Variants in L3MBTL2 observed in about 807,000 individuals in gnomAD.
L3MBTL2 encodes lethal(3)malignant brain tumor-like protein 2.
Under a neutral mutation model 86.4 loss-of-function variants are expected in L3MBTL2, and 49 were observed. The ratio of observed to expected loss-of-function variants is 0.57; its 90% CI spans 0.45 to 0.72. The LOEUF (loss-of-function observed/expected upper bound fraction) is 0.72, where lower values mean the gene tolerates loss of function less well. Among genes scored for constraint, L3MBTL2 ranks in the 30% least tolerant of loss-of-function variants. The probability of loss-of-function intolerance (pLI) is 0.00; values close to 1 mark genes in which losing one functional copy is unlikely to be tolerated. For synonymous variants in L3MBTL2, 336 were observed against 350.6 expected, an observed-to-expected ratio of 0.96 and a Z score of 0.47; for missense variants, 755 against 923.7, an observed-to-expected ratio of 0.82 and a Z score of 2.37.
intron 2 of L3MBTL2, among the ~76,000 whole-genome samples, chr22:41,212,200 C>G (rs2030930333): frequency 6.6e-6 from 1 of 151,980 alleles, no homozygotes; most frequent in Non-Finnish European, 1.5e-5. Context: ...TCTTTTCATC[C>G]CTTGCCTTTT....
In L3MBTL2 at chr22:41,211,598, C is replaced by T. The variant is rs902613245; in HGVS notation, c.262+1665C>T. Among the ~76,000 whole-genome samples the T allele has an allele frequency of 2.3e-5, 3 of 131,974 alleles. No individual in the cohort carries two copies. The Middle Eastern group carries it at 0.014, about 605-fold the overall frequency. 86.6% of individuals were successfully genotyped at this position (131,974 alleles called of 152,430 possible). A position where few individuals can be genotyped will look rare whatever the true frequency, so the allele number is the denominator to read the frequency against. On this transcript the variant is annotated intron_variant, in intron 2 of 16. Transcript: ENST00000216237. ...TTGAGACGGAGTCTTGCTCTGTCAC[C>T]CAGGCTGGAATGCAGTGACATGATC... is the stretch of plus-strand genomic sequence containing the variant.
intron 6 of L3MBTL2, among the ~76,000 whole-genome samples, chr22:41,219,764 T>C (rs2031678260): frequency 1.3e-5 from 2 of 152,164 alleles, no homozygotes; most frequent in African/African-American, 4.8e-5. Flanking sequence ...TTTTTTTAGA[T>C]GGTGTCTTGC....
chr22:41,207,962 G>A (rs1174414031), intron 1 of L3MBTL2, among the ~76,000 whole-genome samples: 2 of 151,558 alleles, frequency 1.3e-5, no homozygotes, highest in Non-Finnish European at 2.9e-5. Context: ...CTCCCGAGTA[G>A]CTGGGATTTC....
Position 41,225,800 on chromosome 22 carries a change from C to T in L3MBTL2, c.1363C>T (p.Leu455=). Residue 455 remains leucine (L), a synonymous_variant, in exon 12 of 17, where the codon CTG becomes TTG. Coordinates refer to ENST00000216237, the MANE Select transcript of L3MBTL2 (RefSeq NM_031488.5). The surrounding 1 kb of genome is among the most constrained non-coding windows in gnomAD (Gnocchi z 4.1). ...TGCTCCCCCCACCCCCCAGGTTCTCCTGGATGGATACCTGATGATCTGTGT... is the reference window on the plus strand; with the variant it reads ...TGCTCCCCCCACCCCCCAGGTTCTCTTGGATGGATACCTGATGATCTGTGT... ...ICVATVCKVL[L]DGYLMICVDG... is the part of the protein sequence containing the mutation. 6.2e-7 allele frequency: 1 copy of T among 1,611,282 alleles called. No homozygotes were observed. Among genetic ancestry groups the T allele is most frequent in the Non-Finnish European group, 8.5e-7 (1 of 1,177,850 alleles).
rs117924345 is a variant in L3MBTL2, at chr22:41,226,939, G to A, written c.1588-150G>A. 3,180 of 747,410 alleles carry A rather than the reference G, an allele frequency of 4.3e-3. 145 individuals carry two copies. The East Asian group carries it at 0.079, about 19-fold the overall frequency. 46.3% of individuals were successfully genotyped at this position (747,410 alleles called of 1,614,324 possible). On this transcript the variant is annotated intron_variant, in intron 13 of 16. Coordinates refer to ENST00000216237, the MANE Select transcript of L3MBTL2 (RefSeq NM_031488.5). ...CATGGAGGGCGGTACTGGGAGAGGT[G>A]CAGTGGGTTATTGTCTAGAGGAAGC... is the stretch of plus-strand genomic sequence containing the variant.
intron 3 of L3MBTL2, among the ~76,000 whole-genome samples, chr22:41,215,704 A>AACATTCGCCTATGTGGG: frequency 7.0e-6 from 1 of 142,270 alleles, no homozygotes; most frequent in African/African-American, 2.6e-5. Context: ...GCCTATGTGG[A>AACATTCGCCTATGTGGG]CCCTCTCCCG....
At position 41,221,232 on chromosome 22, in the gene L3MBTL2, A is replaced by AC; in HGVS notation, c.889dup (p.Leu297ProfsTer28). ...GCCAAGTTCACCGACTGGAAGGGCTACCTCATGAAACGGCTGGTGGGCTCC... is the reference window on the plus strand; with the variant it reads ...GCCAAGTTCACCGACTGGAAGGGCTACCCTCATGAAACGGCTGGTGGGCTCC... On this transcript the variant is annotated frameshift_variant, in exon 8 of 17. Transcript: ENST00000216237. LOFTEE classifies it high-confidence loss of function. 1.3e-6 allele frequency: 2 copies of AC among 1,551,492 alleles called. No homozygotes were observed. The highest frequency in any genetic ancestry group is 1.7e-6 in the Non-Finnish European group (2 of 1,146,748).
In L3MBTL2 at chr22:41,205,350, A is replaced by G. The variant is rs753995557; in HGVS notation, c.-13A>G. The G allele has an allele frequency of 1.9e-5, 30 of 1,614,208 alleles. No homozygotes were observed. The highest frequency in any genetic ancestry group is 2.5e-5 in the Non-Finnish European group (29 of 1,180,046). On this transcript the variant is annotated 5_prime_UTR_variant, in exon 1 of 17. Coordinates refer to ENST00000216237, the MANE Select transcript of L3MBTL2 (RefSeq NM_031488.5). ...TTCCTGCACCTGGTGACGCTTGGCG[A>G]AACTGAGGTCTCATGGAGAAGCCCC...
Position 41,230,304 on chromosome 22 carries a change from T to TACC in L3MBTL2, c.*64_*66dup, listed in dbSNP as rs1234885994. The stretch of plus-strand genomic sequence containing the variant: ...GCTGGAAGCCAGCCCAGCGTTTCTC[T>TACC]ACCACCACCACCATGCCTCCACCTG... On this transcript the variant is annotated 3_prime_UTR_variant, in exon 17 of 17. Transcript: ENST00000216237. The TACC allele has an allele frequency of 1.5e-6, 2 of 1,301,978 alleles. No individual in the cohort carries two copies. The highest frequency in any genetic ancestry group is 2.9e-5 in the African/African-American group (2 of 68,842). The allele number at this position is 1,301,978 out of a possible 1,614,324, so 80.7% of individuals were successfully genotyped here. A position where few individuals can be genotyped will look rare whatever the true frequency, so the allele number is the denominator to read the frequency against.
rs764086608 is a variant in L3MBTL2 at position 41,227,074 on chromosome 22, C to T, written c.1588-15C>T. 6.3e-7 allele frequency: 1 copy of T among 1,598,786 alleles called. No individual in the cohort carries two copies. Among genetic ancestry groups the T allele is most frequent in the South Asian group, 1.1e-5 (1 of 88,878 alleles). ...AGCTGACTGGCTTGGCCACTGCCTC[C>T]TTTTTCTGCCCCAGGATTGCCCAAA... is the stretch of plus-strand genomic sequence containing the variant. On this transcript the variant is annotated splice_polypyrimidine_tract_variant and intron_variant, in intron 13 of 16. Transcript: ENST00000216237. The surrounding 1 kb of genome is among the most constrained non-coding windows in gnomAD (Gnocchi z 6.0).
intron 5 of L3MBTL2, chr22:41,219,162 G>T: frequency 2.6e-6 from 1 of 390,052 alleles, no homozygotes; most frequent in Non-Finnish European, 4.9e-6. Context: ...GTCCTATAAA[G>T]ATTTTAGGAC....
At chr22:41,205,537 C>A (rs2030138962) in intron 1 of L3MBTL2, 151 bp downstream of exon 1, 1 of 952,192 alleles carries the variant, frequency 1.1e-6, no homozygotes, top group South Asian at 1.4e-5. Context: ...GGGGCAGAGG[C>A]AATTGACGTT....
rs144068377 is a variant in L3MBTL2 at position 41,209,866 on chromosome 22, G to A, written c.195G>A (p.Pro65=). 54 of 1,614,004 alleles carry A rather than the reference G, an allele frequency of 3.3e-5. No individual in the cohort carries two copies. Among genetic ancestry groups the A allele is most frequent in the Middle Eastern group, 3.3e-4 (2 of 6,082 alleles). ...AGGATCGGGAAGCAGGGGAACTGCC[G>A]ACCTCCCCGCTGCATTTGCTCAGCC... The part of the protein sequence containing the change: ...ENEDREAGEL[P]TSPLHLLSPG... Residue 65 remains proline (P), a synonymous_variant, in exon 2 of 17, where the codon CCG becomes CCA. Transcript: ENST00000216237.
intron 6 of L3MBTL2, 59 bp downstream of exon 6, chr22:41,219,595 G>T: frequency 9.0e-7 from 1 of 1,117,266 alleles, no homozygotes; most frequent in Non-Finnish European, 1.4e-6. Flanking sequence ...TCTCTAGATG[G>T]GTGAACAGTG....
In L3MBTL2 at chr22:41,217,340, C is replaced by G. The variant is rs2031468792; in HGVS notation, c.600+138C>G. 6.3e-6 allele frequency: 4 copies of G among 634,054 alleles called. No homozygotes were observed. In the Admixed American group the frequency reaches 8.2e-5, roughly 13 times the overall value. The allele number at this position is 634,054 out of a possible 1,614,324, so 39.3% of individuals were successfully genotyped here. A position where few individuals can be genotyped will look rare whatever the true frequency, so the allele number is the denominator to read the frequency against. ...GCAGGAGACGGATGGCGTTACCACT[C>G]GCTCCATTTCATGTTTATGTCAAAA... is the stretch of plus-strand genomic sequence containing the variant. On this transcript the variant is annotated intron_variant, in intron 5 of 16. Coordinates refer to ENST00000216237, the MANE Select transcript of L3MBTL2 (RefSeq NM_031488.5).
At chr22:41,206,383 G>A (rs951094902) in intron 1 of L3MBTL2, among the ~76,000 whole-genome samples, 1 of 152,112 alleles carries the variant, frequency 6.6e-6, no homozygotes, top group Admixed American at 6.6e-5. Flanking sequence ...ACTCACAGGC[G>A]TGATGACAAC....
At chr22:41,222,187 G>T (rs1270045684) in intron 8 of L3MBTL2, among the ~76,000 whole-genome samples, 3 of 152,232 alleles carry the variant, frequency 2.0e-5, no homozygotes, top group Admixed American at 1.3e-4. Flanking sequence ...ATAGGCATGA[G>T]CCACCATGCC....
In L3MBTL2 at chr22:41,225,544, C is replaced by A. The variant is rs117774082; in HGVS notation, c.1357-250C>A. ...GGGCGCGTGTGCTCACCCAAGAACA[C>A]GGTCCAACAGGATGGACGCGGCCCC... is the stretch of plus-strand genomic sequence containing the variant. On this transcript the variant is annotated intron_variant, in intron 11 of 16. Transcript: ENST00000216237. The surrounding 1 kb of genome is among the most constrained non-coding windows in gnomAD (Gnocchi z 4.1). Among the ~76,000 whole-genome samples the A allele has an allele frequency of 1.3e-5, 2 of 152,196 alleles. No homozygotes were observed. Among genetic ancestry groups the A allele is most frequent in the Non-Finnish European group, 2.9e-5 (2 of 68,032 alleles).
Position 41,216,243 on chromosome 22 carries a change from G to A in L3MBTL2, c.501G>A (p.Gly167=), listed in dbSNP as rs760169500. The A allele has an allele frequency of 6.2e-7, 1 of 1,614,106 alleles. No homozygotes were observed. The highest frequency in any genetic ancestry group is 2.2e-5 in the East Asian group (1 of 44,872). ...AAGGGACAGGACAGCTGGCAGATGG[G>A]ACACCAACAGGACAAGACGGTAAGA... ...HSQGTGQLAD[G]TPTGQDALVL... Residue 167 remains glycine, a synonymous_variant, in exon 4 of 17, where the codon GGG becomes GGA. Coordinates refer to ENST00000216237, the MANE Select transcript of L3MBTL2 (RefSeq NM_031488.5).
Sources: allele counts gnomAD v4.1 joint callset (sites outside exome capture counted in the v4.1 genomes callset), GRCh38; gene constraint gnomAD v4.1.1; non-coding constraint Gnocchi (gnomAD v3.1); transcripts MANE v1.5; gene names NCBI Gene and HGNC (gene_info 2026-07-23, HGNC 2026-07-21).